The following EPHA3 variants were observed in gnomAD, a reference collection of about 807,000 sequenced individuals.
EPHA3 encodes the protein EPH receptor A3, also known as ephrin type-A receptor 3.
A neutral mutation model predicts 107.1 loss-of-function variants in EPHA3; 42 were observed. That is an observed-to-expected ratio of 0.39 (90% CI 0.31 to 0.51). The LOEUF is 0.51. Ranked by LOEUF, EPHA3 falls within the 20% of genes least tolerant of loss-of-function variation. The probability of loss-of-function intolerance (pLI) is 0.78; values close to 1 mark genes in which losing one functional copy is unlikely to be tolerated. For missense variants in EPHA3, 1,183 were observed against 1,211.2 expected, an observed-to-expected ratio of 0.98 and a Z score of 0.35; for synonymous variants, 461 against 424.8, an observed-to-expected ratio of 1.09 and a Z score of -1.05.
chr3:89,284,564 CCATA>C (rs1211799433), intron 3 of EPHA3, among the ~76,000 whole-genome samples: 2 of 151,996 alleles, frequency 1.3e-5, no homozygotes, highest in Non-Finnish European at 2.9e-5. Flanking sequence ...CAATTTCCTG[CCATA>C]CAAATGATTA....
At chr3:89,411,957 C>G (rs1257906617) in intron 9 of EPHA3, among the ~76,000 whole-genome samples, 1 of 151,836 alleles carries the variant, frequency 6.6e-6, no homozygotes, top group Admixed American at 6.6e-5. Context: ...ATATATTTCA[C>G]TATTAAGTAT....
At chr3:89,382,397 A>G (rs149790344) in intron 5 of EPHA3, among the ~76,000 whole-genome samples, 4 of 152,018 alleles carry the variant, frequency 2.6e-5, no homozygotes, top group Admixed American at 6.6e-5. Flanking sequence ...AATCCCAGCT[A>G]CTTGGGAGGC....
chr3:89,305,078 G>T (rs1279451408), intron 3 of EPHA3, among the ~76,000 whole-genome samples: 9 of 152,078 alleles, frequency 5.9e-5, no homozygotes, highest in Non-Finnish European at 1.3e-4. Flanking sequence ...ATTTTTATGT[G>T]ATCCATGAAT....
At chr3:89,433,566 A>G (rs781772482) in intron 13 of EPHA3, among the ~76,000 whole-genome samples, 1 of 151,986 alleles carries the variant, frequency 6.6e-6, no homozygotes, top group Non-Finnish European at 1.5e-5. Flanking sequence ...TTTCAAATAT[A>G]CTCTGTAGTG....
intron 5 of EPHA3, among the ~76,000 whole-genome samples, chr3:89,389,857 C>A (rs2107496492): frequency 6.6e-6 from 1 of 152,252 alleles, no homozygotes; most frequent in South Asian, 2.1e-4. Flanking sequence ...ATTTGTTTTT[C>A]TATTATTTTA....
rs1197654538 is a variant in EPHA3 at position 89,479,394 on chromosome 3, C to T, written c.2847-3C>T. On this transcript the variant is annotated splice_polypyrimidine_tract_variant and splice_region_variant and intron_variant, in intron 16 of 16. Transcript: ENST00000336596. The stretch of plus-strand genomic sequence containing the variant: ...ATTCTTATATTGTTTTCTTTTTTTA[C>T]AGTGACATGAAAAAGGTTGGTGTCA... The T allele has an allele frequency of 6.2e-7, 1 of 1,611,638 alleles. No individual in the cohort carries two copies. Among genetic ancestry groups the T allele is most frequent in the East Asian group, 2.2e-5 (1 of 44,860 alleles).
intron 9 of EPHA3, among the ~76,000 whole-genome samples, chr3:89,412,841 CTG>C (rs1709180503): frequency 6.6e-6 from 1 of 151,718 alleles, no homozygotes. Flanking sequence ...CTAATCAGTT[CTG>C]AATTATCTTT....
At position 89,146,448 on chromosome 3, in the gene EPHA3, A is replaced by G. The variant is rs2107030090; in HGVS notation, c.153+19175A>G. Among the ~76,000 whole-genome samples, 2 of 152,098 alleles carry G rather than the reference A, an allele frequency of 1.3e-5. 1 individual carries two copies. The highest frequency in any genetic ancestry group is 4.1e-4 in the South Asian group (2 of 4,830). ...TGGCTGCATAAAGTCTTCTTTTGAG[A>G]AGTGTCTGTTCATATCCTTTGCCAA... On this transcript the variant is annotated intron_variant, in intron 2 of 16. Coordinates refer to ENST00000336596, the MANE Select transcript of EPHA3 (RefSeq NM_005233.6).
In EPHA3 at chr3:89,341,007, G is replaced by A; in HGVS notation, c.906G>A (p.Met302Ile). Residue 302 changes from methionine (M) to isoleucine (I), a missense_variant, in exon 4 of 17, where the codon ATG becomes ATA. Met to Ile is a conservative substitution (Grantham distance 10). Coordinates refer to ENST00000336596, the MANE Select transcript of EPHA3 (RefSeq NM_005233.6). The part of the protein sequence containing the change: ...PHSSTQEDGS[M>I]NCRCENNYFR... ...GTTCTACTCAGGAAGATGGTTCAATGAACTGCAGGTGTGAGAATAATTACT... is the reference window on the plus strand; with the variant it reads ...GTTCTACTCAGGAAGATGGTTCAATAAACTGCAGGTGTGAGAATAATTACT... 6.2e-7 allele frequency: 1 copy of A among 1,614,128 alleles called. No individual in the cohort carries two copies. The highest frequency in any genetic ancestry group is 8.5e-7 in the Non-Finnish European group (1 of 1,179,990).
chr3:89,391,603 A>ATTTT (rs767686552), intron 5 of EPHA3, among the ~76,000 whole-genome samples: 1 of 138,326 alleles, frequency 7.2e-6, no homozygotes, highest in African/African-American at 2.6e-5. Context: ...AATTTTTTGT[A>ATTTT]TTTTTTTTTT....
At chr3:89,127,536 C>A (rs1313840123) in intron 2 of EPHA3, among the ~76,000 whole-genome samples, 1 of 151,762 alleles carries the variant, frequency 6.6e-6, no homozygotes, top group East Asian at 1.9e-4. Flanking sequence ...GGCATCATGT[C>A]AATGATCTAA....
chr3:89,269,568 G>A (rs1248123136), intron 3 of EPHA3, among the ~76,000 whole-genome samples: 1 of 151,654 alleles, frequency 6.6e-6, no homozygotes, highest in South Asian at 2.1e-4. Flanking sequence ...TTATAGGCAT[G>A]AGCCACCCAG....
intron 2 of EPHA3, among the ~76,000 whole-genome samples, chr3:89,180,265 G>A (rs752036301): frequency 1.3e-4 from 19 of 151,668 alleles, no homozygotes; most frequent in Non-Finnish European, 2.7e-4. Flanking sequence ...CTTGAATGTG[G>A]AAATATTTAG....
intron 3 of EPHA3, among the ~76,000 whole-genome samples, chr3:89,322,894 T>C (rs573286030): frequency 6.6e-6 from 1 of 152,220 alleles, no homozygotes; most frequent in Non-Finnish European, 1.5e-5. Flanking sequence ...TATCTAGACA[T>C]AGTTTATCTA....
chr3:89,278,826 T>G (rs1705872184), intron 3 of EPHA3, among the ~76,000 whole-genome samples: 1 of 152,076 alleles, frequency 6.6e-6, no homozygotes, highest in Non-Finnish European at 1.5e-5. Context: ...CTAAAATGAG[T>G]GCAAATTAAC....
At chr3:89,219,856 C>T (rs1459465275) in intron 3 of EPHA3, among the ~76,000 whole-genome samples, 23 of 146,998 alleles carry the variant, frequency 1.6e-4, no homozygotes, top group Non-Finnish European at 3.0e-4. Flanking sequence ...CTACAGGCGC[C>T]CGCCACTACG....
At chr3:89,429,009 C>G (rs1191460643) in intron 11 of EPHA3, 97 bp from the exon 12 acceptor site, 1 of 720,878 alleles carries the variant, frequency 1.4e-6, no homozygotes, top group Non-Finnish European at 2.1e-6. Context: ...GTTCTTACAT[C>G]TCTATAATCC....
At chr3:89,284,430 C>T (rs1407311513) in intron 3 of EPHA3, among the ~76,000 whole-genome samples, 1 of 144,614 alleles carries the variant, frequency 6.9e-6, no homozygotes, top group Non-Finnish European at 1.6e-5. Flanking sequence ...AAATTTTTAT[C>T]TACCATCACC....
chr3:89,140,406 G>T (rs990194745), intron 2 of EPHA3, among the ~76,000 whole-genome samples: 2 of 151,670 alleles, frequency 1.3e-5, no homozygotes, highest in Admixed American at 6.6e-5. Flanking sequence ...TCTCTAAATT[G>T]TTGGCTTTAT....
Sources: allele counts gnomAD v4.1 joint callset (sites outside exome capture counted in the v4.1 genomes callset), GRCh38; gene constraint gnomAD v4.1.1; transcripts MANE v1.5; gene names NCBI Gene and HGNC (gene_info 2026-07-23, HGNC 2026-07-21).